The following KIAA1217 variants were observed in gnomAD, a reference collection of about 807,000 sequenced individuals.
KIAA1217 encodes KIAA1217.
KIAA1217 carries 88 observed loss-of-function variants against 163.9 expected under a neutral mutation model. That is an observed-to-expected ratio of 0.54 (90% CI 0.45 to 0.64). The LOEUF (loss-of-function observed/expected upper bound fraction) is 0.64, where lower values mean the gene tolerates loss of function less well. KIAA1217 is among the 30% of genes least tolerant of loss of function. KIAA1217 has a pLI of 0.00. For missense variants in KIAA1217, 2,372 were observed against 2,475.0 expected (o/e 0.96, Z 0.88); for synonymous variants, 903 against 923.1 (o/e 0.98, Z 0.39).
chr10:24,497,427 C>T (rs540789779), intron 8 of KIAA1217, among the ~76,000 whole-genome samples: 83 of 152,232 alleles, frequency 5.5e-4, no homozygotes, highest in South Asian at 3.3e-3. Context: ...TCCAAAGCGA[C>T]ACAGCTATTA....
Position 24,474,947 on chromosome 10 carries a change from A to G in KIAA1217, c.1679+887A>G, listed in dbSNP as rs143907897. On this transcript the variant is annotated intron_variant, in intron 6 of 20. Transcript: ENST00000376454. The stretch of plus-strand genomic sequence containing the variant: ...AAAATAAGATGTCCAGGCCAAGTGC[A>G]GTGGCTTACGCCTGTAATCCCAGCA... 4.8e-3 allele frequency among the ~76,000 whole-genome samples: 735 copies of G among 152,348 alleles called. 6 individuals are homozygous for G. Among genetic ancestry groups the G allele is most frequent in the African/African-American group, 0.017 (699 of 41,584 alleles).
chr10:23,879,178 T>C (rs1489064741), intron 1 of KIAA1217, among the ~76,000 whole-genome samples: 1 of 151,888 alleles, frequency 6.6e-6, no homozygotes, highest in African/African-American at 2.4e-5. Flanking sequence ...GAGACCCACC[T>C]TCACCCTTAG....
At chr10:23,705,596 G>C (rs1430188198) in intron 1 of KIAA1217, among the ~76,000 whole-genome samples, 1 of 152,098 alleles carries the variant, frequency 6.6e-6, no homozygotes, top group Non-Finnish European at 1.5e-5. Context: ...TTATTGATCT[G>C]TATGTTCATT....
chr10:23,727,535 G>A (rs566460560), intron 1 of KIAA1217, among the ~76,000 whole-genome samples: 1 of 152,154 alleles, frequency 6.6e-6, no homozygotes, highest in South Asian at 2.1e-4. Context: ...ACTCCAGTCT[G>A]GGCGACAGAA....
intron 1 of KIAA1217, among the ~76,000 whole-genome samples, chr10:23,727,133 G>A (rs979157202): frequency 2.6e-5 from 4 of 151,760 alleles, no homozygotes; most frequent in Non-Finnish European, 4.4e-5. Context: ...GACTGCAGTT[G>A]CCTGCCACCA....
chr10:23,840,703 T>TG (rs1395201373), intron 1 of KIAA1217, among the ~76,000 whole-genome samples: 4 of 152,202 alleles, frequency 2.6e-5, no homozygotes, highest in African/African-American at 7.2e-5. Context: ...ATGTTTTAGT[T>TG]GATATAGATG....
chr10:24,010,185 A>T (rs193081073), intron 2 of KIAA1217, among the ~76,000 whole-genome samples: 169 of 151,916 alleles, frequency 1.1e-3, no homozygotes, highest in African/African-American at 3.5e-3. Context: ...AACGCTTTTT[A>T]AAAAAAATGA....
At chr10:24,152,155 CT>C (rs1249225642) in intron 2 of KIAA1217, among the ~76,000 whole-genome samples, 1 of 152,164 alleles carries the variant, frequency 6.6e-6, no homozygotes, top group Non-Finnish European at 1.5e-5. Flanking sequence ...AATAACCTCT[CT>C]CTTTTTCTGT....
chr10:24,102,945 A>G (rs1222744412), intron 2 of KIAA1217, among the ~76,000 whole-genome samples: 1 of 152,068 alleles, frequency 6.6e-6, no homozygotes, highest in Non-Finnish European at 1.5e-5. Context: ...ATTAAGTCTC[A>G]TGAGATCTGA....
chr10:24,102,994 C>T (rs192512325), intron 2 of KIAA1217, among the ~76,000 whole-genome samples: 2 of 152,292 alleles, frequency 1.3e-5, no homozygotes, highest in Admixed American at 6.5e-5. Context: ...CAAGCTCTCT[C>T]GCCTGCTGCC....
At chr10:24,385,483 G>A (rs2130630398) in intron 3 of KIAA1217, among the ~76,000 whole-genome samples, 1 of 152,270 alleles carries the variant, frequency 6.6e-6, no homozygotes, top group Non-Finnish European at 1.5e-5. Context: ...TTTGGGAGAA[G>A]CATTTTGACA....
chr10:23,797,207 G>A (rs1836248810), intron 1 of KIAA1217, among the ~76,000 whole-genome samples: 1 of 152,062 alleles, frequency 6.6e-6, no homozygotes, highest in Non-Finnish European at 1.5e-5. Context: ...CCTGATGAAG[G>A]GTCTGAGTGG....
rs1268111849 is a variant in KIAA1217, at chr10:24,528,124, G to T, written c.3082+5G>T. The T allele has an allele frequency of 5.6e-6, 9 of 1,613,420 alleles. No individual in the cohort carries two copies. The highest frequency in any genetic ancestry group is 7.6e-6 in the Non-Finnish European group (9 of 1,179,690). On this transcript the variant is annotated splice_donor_5th_base_variant and intron_variant, in intron 14 of 20. Transcript: ENST00000376454. ...TGGACAAGGTGGAACTTTCAGGTAA[G>T]TTCCGGTCCCACAGCAGGAATATAT...
At chr10:24,384,762 T>C (rs1057100724) in intron 3 of KIAA1217, among the ~76,000 whole-genome samples, 1 of 152,316 alleles carries the variant, frequency 6.6e-6, no homozygotes, top group South Asian at 2.1e-4. Flanking sequence ...GGTCTCGATC[T>C]CCTGACCTCG....
intron 2 of KIAA1217, among the ~76,000 whole-genome samples, chr10:24,306,546 G>A (rs962947447): frequency 1.3e-5 from 2 of 152,130 alleles, no homozygotes; most frequent in African/African-American, 4.8e-5. Flanking sequence ...TGACTCCCTG[G>A]CCACCTGGTA....
chr10:24,238,400 G>C (rs1437897959), intron 2 of KIAA1217, among the ~76,000 whole-genome samples: 1 of 152,162 alleles, frequency 6.6e-6, no homozygotes, highest in Non-Finnish European at 1.5e-5. Context: ...TGAATTTAGA[G>C]GTGAGAAGAA....
At chr10:24,389,153 A>G (rs2054470676) in intron 3 of KIAA1217, among the ~76,000 whole-genome samples, 1 of 152,250 alleles carries the variant, frequency 6.6e-6, no homozygotes, top group Non-Finnish European at 1.5e-5. Flanking sequence ...AACCAGCCCA[A>G]ACGTCCATCA....
rs552012287 is a variant in KIAA1217 at position 24,000,364 on chromosome 10, A to G, written c.-320-6861A>G. 2.3e-4 allele frequency among the ~76,000 whole-genome samples: 35 copies of G among 152,238 alleles called. 1 individual carries two copies. Among genetic ancestry groups the G allele is most frequent in the Middle Eastern group, 3.4e-3 (1 of 294 alleles). ...TTATCACAAGATCTGATGTTTTTAT[A>G]AGGGGTTTTTCCCCATTTTGCTCGG... On this transcript the variant is annotated intron_variant, in intron 1 of 18. Coordinates refer to the KIAA1217 transcript ENST00000376462.
chr10:23,888,634 C>T (rs906747780), intron 1 of KIAA1217, among the ~76,000 whole-genome samples: 1 of 151,870 alleles, frequency 6.6e-6, no homozygotes. Flanking sequence ...TTTTAAGTGA[C>T]TTTTGTGTAA....
Sources: gnomAD v4.1 joint callset for allele counts (sites outside exome capture counted in the v4.1 genomes callset) on GRCh38, gnomAD v4.1.1 for gene constraint, MANE v1.5 for transcripts, NCBI Gene and HGNC (gene_info 2026-07-23, HGNC 2026-07-21) for gene names.